Variants in CNDP1 observed in about 807,000 individuals in gnomAD.
CNDP1 encodes carnosine dipeptidase 1, also known as beta-Ala-His dipeptidase.
Under a neutral mutation model 58.1 loss-of-function variants are expected in CNDP1, and 44 were observed. The ratio of observed to expected loss-of-function variants is 0.76; its 90% CI spans 0.60 to 0.97. CNDP1 has a LOEUF of 0.97. Among genes scored for constraint, CNDP1 ranks in the 50% least tolerant of loss-of-function variants. CNDP1 has a pLI of 0.00. For missense variants in CNDP1, 616 were observed against 655.1 expected, an observed-to-expected ratio of 0.94 and a Z score of 0.65; for synonymous variants, 254 against 252.6, an observed-to-expected ratio of 1.01 and a Z score of -0.05.
At chr18:74,567,080 A>G (rs1981346852) in intron 5 of CNDP1, 153 bp from the exon 6 acceptor site, 1 of 641,814 alleles carries the variant, frequency 1.6e-6, no homozygotes, top group Non-Finnish European at 2.8e-6. Flanking sequence ...ATAGCACAGG[A>G]AAGACTGGCC....
At chr18:74,537,420 T>C (rs567140819) in intron 1 of CNDP1, among the ~76,000 whole-genome samples, 1 of 152,358 alleles carries the variant, frequency 6.6e-6, no homozygotes, top group Admixed American at 6.5e-5. Context: ...TTGCTTGTTT[T>C]TGTCGCTATT....
chr18:74,552,555 T>C (rs1293680994), intron 1 of CNDP1, among the ~76,000 whole-genome samples: 3 of 152,214 alleles, frequency 2.0e-5, no homozygotes, highest in Non-Finnish European at 2.9e-5. Flanking sequence ...GCACAATGTG[T>C]TCAAAGTTTG....
chr18:74,575,340 C>T (rs1054851233), intron 7 of CNDP1, among the ~76,000 whole-genome samples: 6 of 152,208 alleles, frequency 3.9e-5, no homozygotes, highest in African/African-American at 1.4e-4. Flanking sequence ...ACGCACTCTG[C>T]AACTCTGTCC....
intron 9 of CNDP1, among the ~76,000 whole-genome samples, chr18:74,579,174 CTCCCTTCTCCCTTTCCTTCCCT>C (rs1483134941): frequency 6.2e-5 from 9 of 144,330 alleles, no homozygotes; most frequent in Admixed American, 2.1e-4. Context: ...TCTCTCCCTT[CTCCCTTCTCCCTTTCCTTCCCT>C]TCCCTTGCCT....
intron 5 of CNDP1, among the ~76,000 whole-genome samples, chr18:74,563,699 G>A (rs1981259473): frequency 6.6e-6 from 1 of 152,076 alleles, no homozygotes; most frequent in Non-Finnish European, 1.5e-5. Context: ...TTCTCTGCCT[G>A]CCTTGCCTAC....
rs538021025 is a variant in CNDP1 at position 74,534,589 on chromosome 18, T to C, written c.-79T>C. ...CAGAGAGATATTTAATGTCACCCTC[T>C]TGGGGCTTTCATGGGACTCCCTCTG... On this transcript the variant is annotated 5_prime_UTR_variant, in exon 1 of 12. Transcript: ENST00000358821. 2.6e-5 allele frequency: 39 copies of C among 1,479,816 alleles called. No homozygotes were observed. In the East Asian group the frequency reaches 7.7e-4, roughly 29 times the overall value. 91.7% of individuals were successfully genotyped at this position (1,479,816 alleles called of 1,614,324 possible).
At chr18:74,546,398 C>T (rs1980761374) in intron 1 of CNDP1, among the ~76,000 whole-genome samples, 3 of 152,186 alleles carry the variant, frequency 2.0e-5, no homozygotes, top group South Asian at 2.1e-4. Flanking sequence ...GCACCGAGGG[C>T]CCACCCTAGC....
intron 1 of CNDP1, among the ~76,000 whole-genome samples, chr18:74,535,470 G>T (rs1599082191): frequency 6.6e-6 from 1 of 152,156 alleles, no homozygotes; most frequent in East Asian, 1.9e-4. Flanking sequence ...GATTCTAGAA[G>T]TGGGCTTTGC....
At chr18:74,544,979 A>T (rs1280044567) in intron 1 of CNDP1, among the ~76,000 whole-genome samples, 1 of 152,172 alleles carries the variant, frequency 6.6e-6, no homozygotes, top group Non-Finnish European at 1.5e-5. Flanking sequence ...GGCTGTGCAC[A>T]CACGGAGGCA....
intron 8 of CNDP1, 49 bp from the exon 9 acceptor site, chr18:74,578,114 C>A: frequency 6.6e-7 from 1 of 1,525,384 alleles, no homozygotes; most frequent in Non-Finnish European, 8.9e-7. Context: ...CAACCCAGGT[C>A]CACTGGGTTC....
At position 74,540,003 on chromosome 18, in the gene CNDP1, CTA is replaced by C. The variant is rs543260091; in HGVS notation, c.24+5315_24+5316del. ...GTATATCAACAATACCATTAACACA[CTA>C]TAAAATAGCAATAATTCCTTTAGAT... On this transcript the variant is annotated intron_variant, in intron 1 of 11. Coordinates refer to ENST00000358821, the MANE Select transcript of CNDP1 (RefSeq NM_032649.6). Among the ~76,000 whole-genome samples the C allele has an allele frequency of 1.6e-4, 25 of 152,308 alleles. No homozygotes were observed. In the South Asian group the frequency reaches 2.7e-3, roughly 16 times the overall value.
At chr18:74,549,162 G>T (rs8088199) in intron 1 of CNDP1, among the ~76,000 whole-genome samples, 1,625 of 152,228 alleles carry the variant, frequency 0.011, 39 homozygotes, top group African/African-American at 0.037. Flanking sequence ...CTAGTATATT[G>T]ACTTTGGAAA....
chr18:74,576,936 A>T lies in CNDP1; in HGVS notation c.909A>T (p.Thr303=). ...TCTATGATGAAGTGGTTCCTCTTACAGAAGAGGAAATAAATACATACAAAG... is the reference window on the plus strand; with the variant it reads ...TCTATGATGAAGTGGTTCCTCTTACTGAAGAGGAAATAAATACATACAAAG... ...PGIYDEVVPL[T]EEEINTYKAI... The change falls in exon 8 of 12, where the codon ACA becomes ACT. Residue 303 remains threonine, a synonymous_variant. Coordinates refer to ENST00000358821, the MANE Select transcript of CNDP1 (RefSeq NM_032649.6). 1 of 1,611,912 alleles carries T rather than the reference A, an allele frequency of 6.2e-7. No individual in the cohort carries two copies. The highest frequency in any genetic ancestry group is 1.1e-5 in the South Asian group (1 of 90,864).
intron 1 of CNDP1, among the ~76,000 whole-genome samples, chr18:74,549,167 T>C (rs1021302127): frequency 1.3e-5 from 2 of 152,352 alleles, no homozygotes; most frequent in East Asian, 3.9e-4. Flanking sequence ...ATATTGACTT[T>C]GGAAACAACA....
At chr18:74,571,329 A>G (rs375899164) in intron 7 of CNDP1, 59 bp downstream of exon 7, 1 of 1,200,908 alleles carries the variant, frequency 8.3e-7, no homozygotes, top group African/African-American at 1.5e-5. Flanking sequence ...AGACAGCTCT[A>G]CTTGATTTTA....
chr18:74,551,361 AACACACACACAC>A lies in CNDP1; in HGVS notation c.25-4955_25-4944del, dbSNP rs74178982. Among the ~76,000 whole-genome samples, 108 of 148,076 alleles carry A rather than the reference AACACACACACAC, an allele frequency of 7.3e-4. No homozygotes were observed. The East Asian group carries it at 0.013, about 18-fold the overall frequency. On this transcript the variant is annotated intron_variant, in intron 1 of 11. Coordinates refer to ENST00000358821, the MANE Select transcript of CNDP1 (RefSeq NM_032649.6). ...CTAGTTCAAGGTCAAGCACAACTGTAACACACACACACACACACACACACACACACACAAACA... is the reference window on the plus strand; with the variant it reads ...CTAGTTCAAGGTCAAGCACAACTGTAACACACACACACACACACACAAACA...
At chr18:74,570,200 AAATAATAATAATAATAATTAAT>A (rs1981439003) in intron 6 of CNDP1, among the ~76,000 whole-genome samples, 1 of 70,138 alleles carries the variant, frequency 1.4e-5, no homozygotes, top group Non-Finnish European at 2.6e-5. Flanking sequence ...CTCTGTCTCA[AAATAATAATAATAATAATTAAT>A]AATAATAATA....
intron 1 of CNDP1, among the ~76,000 whole-genome samples, chr18:74,546,468 G>A (rs1371850437): frequency 6.6e-6 from 1 of 152,124 alleles, no homozygotes; most frequent in Non-Finnish European, 1.5e-5. Context: ...ACAGTGCCTT[G>A]GGCTGTGACG....
intron 1 of CNDP1, among the ~76,000 whole-genome samples, chr18:74,549,662 G>A (rs988606882): frequency 1.1e-4 from 16 of 152,188 alleles, no homozygotes; most frequent in African/African-American, 2.9e-4. Context: ...AGAGACTTGC[G>A]TGACTAAAAG....
Sources: allele counts gnomAD v4.1 joint callset (sites outside exome capture counted in the v4.1 genomes callset), GRCh38; gene constraint gnomAD v4.1.1; transcripts MANE v1.5; gene names NCBI Gene and HGNC (gene_info 2026-07-23, HGNC 2026-07-21).